The following CCT6B variants were observed in gnomAD, a reference collection of about 807,000 sequenced individuals.
CCT6B encodes chaperonin containing TCP1 subunit 6B.
CCT6B carries 49 observed loss-of-function variants against 61.5 expected under a neutral mutation model. The observed-to-expected ratio is 0.80, with a 90% confidence interval of 0.63 to 1.01. CCT6B has a LOEUF of 1.01. Among genes scored for constraint, CCT6B ranks in the 50% least tolerant of loss-of-function variants. The pLI is 0.00. For missense variants in CCT6B, 666 were observed against 634.7 expected, an observed-to-expected ratio of 1.05 and a Z score of -0.53; for synonymous variants, 228 against 214.5, an observed-to-expected ratio of 1.06 and a Z score of -0.55.
At chr17:34,949,473 AGAAAG>A (rs1188122244) in intron 5 of CCT6B, 1 of 145,088 alleles carries the variant, frequency 6.9e-6, no homozygotes, top group Non-Finnish European at 1.5e-5. Flanking sequence ...AAAAAAAAAA[AGAAAG>A]GAAAGGAAAG....
At chr17:34,948,899 G>T (rs1162446476) in intron 5 of CCT6B, among the ~76,000 whole-genome samples, 4 of 151,646 alleles carry the variant, frequency 2.6e-5, no homozygotes, top group Non-Finnish European at 4.4e-5. Flanking sequence ...GCCAGACATG[G>T]TGGCGCATAT....
At chr17:34,959,428 G>A (rs1281673761) in intron 2 of CCT6B, among the ~76,000 whole-genome samples, 159 bp downstream of exon 2, 2 of 151,482 alleles carry the variant, frequency 1.3e-5, no homozygotes, top group African/African-American at 4.9e-5. Context: ...ACCACACCCG[G>A]CCAAAAAAAT....
intron 10 of CCT6B, among the ~76,000 whole-genome samples, chr17:34,934,314 G>A (rs950096928): frequency 3.3e-5 from 5 of 151,982 alleles, no homozygotes; most frequent in African/African-American, 9.7e-5. Context: ...TATTATGATC[G>A]ACTTTATGAC....
At chr17:34,931,624 T>C (rs569172458) in intron 11 of CCT6B, among the ~76,000 whole-genome samples, 1 of 152,256 alleles carries the variant, frequency 6.6e-6, no homozygotes, top group South Asian at 2.1e-4. Flanking sequence ...GGGTTACCAA[T>C]TTCTGTCAGC....
chr17:34,957,406 A>C (rs1175673709), intron 3 of CCT6B, among the ~76,000 whole-genome samples: 1 of 152,078 alleles, frequency 6.6e-6, no homozygotes, highest in Non-Finnish European at 1.5e-5. Context: ...GGCCTCCCAA[A>C]GTGCTGGGAT....
chr17:34,928,820 G>C, intron 13 of CCT6B, 142 bp downstream of exon 13: 1 of 520,204 alleles, frequency 1.9e-6, no homozygotes, highest in Non-Finnish European at 3.5e-6. Flanking sequence ...ACAGAAGCTA[G>C]TTCTAATAAC....
chr17:34,941,897 G>A (rs2090167995), intron 7 of CCT6B, among the ~76,000 whole-genome samples: 2 of 152,072 alleles, frequency 1.3e-5, no homozygotes, highest in South Asian at 2.1e-4. Context: ...AATTAGCCAG[G>A]CATGGTGATG....
At chr17:34,954,623 A>G in intron 3 of CCT6B, 24 bp from the exon 4 acceptor site, 1 of 1,557,514 alleles carries the variant, frequency 6.4e-7, no homozygotes, top group Non-Finnish European at 8.7e-7. Context: ...ATAAAATTAT[A>G]AATTATAAAA....
rs942150543 is a variant in CCT6B, at chr17:34,942,723, G to A, written c.725+73C>T. The A allele has an allele frequency of 7.4e-6, 11 of 1,482,274 alleles. No individual in the cohort carries two copies. The African/African-American group carries it at 1.6e-4, about 21-fold the overall frequency. 91.8% of individuals were successfully genotyped at this position (1,482,274 alleles called of 1,614,324 possible). A position where few individuals can be genotyped will look rare whatever the true frequency, so the allele number is the denominator to read the frequency against. On this transcript the variant is annotated intron_variant, in intron 6 of 13. Coordinates refer to ENST00000314144, the MANE Select transcript of CCT6B (RefSeq NM_006584.4). ...TAGAAGTAGTCTACACCAAACATCT[G>A]GAAGGAAAAAGAGATTTTAAAACAC...
At chr17:34,945,448 T>C (rs2090212943) in intron 5 of CCT6B, among the ~76,000 whole-genome samples, 2 of 152,178 alleles carry the variant, frequency 1.3e-5, no homozygotes, top group Non-Finnish European at 2.9e-5. Context: ...ACCTCCACTT[T>C]TCCTGCTGAT....
chr17:34,931,098 ACC>A, intron 11 of CCT6B, 47 bp from the exon 12 acceptor site: 1 of 575,604 alleles, frequency 1.7e-6, no homozygotes, highest in East Asian at 4.4e-5. Flanking sequence ...TATGCATAAT[ACC>A]TTCACATATA....
chr17:34,956,288 G>C (rs569217548), intron 3 of CCT6B, among the ~76,000 whole-genome samples: 1 of 152,272 alleles, frequency 6.6e-6, no homozygotes, highest in Admixed American at 6.5e-5. Flanking sequence ...CTTTGCTTAT[G>C]TTGTTCCTTC....
chr17:34,950,862 G>A (rs1200680452), intron 5 of CCT6B, among the ~76,000 whole-genome samples: 2 of 151,754 alleles, frequency 1.3e-5, no homozygotes, highest in Non-Finnish European at 2.9e-5. Context: ...CCAGTAGGCG[G>A]AGGTTGCAGT....
intron 13 of CCT6B, 51 bp from the exon 14 acceptor site, chr17:34,928,168 T>C (rs570927377): frequency 4.1e-6 from 5 of 1,208,958 alleles, no homozygotes; most frequent in Non-Finnish European, 6.0e-6. Flanking sequence ...CACTCTTAGC[T>C]TTTTTCCCCA....
At chr17:34,928,161 T>C in intron 13 of CCT6B, 44 bp from the exon 14 acceptor site, 1 of 1,310,328 alleles carries the variant, frequency 7.6e-7, no homozygotes, top group Non-Finnish European at 1.1e-6. Context: ...ACTAACCCAC[T>C]CTTAGCTTTT....
Position 34,942,785 on chromosome 17 carries a change from G to A in CCT6B, c.725+11C>T. The A allele has an allele frequency of 6.4e-7, 1 of 1,565,444 alleles. No homozygotes were observed. Among genetic ancestry groups the A allele is most frequent in the Non-Finnish European group, 8.7e-7 (1 of 1,147,404 alleles). On this transcript the variant is annotated intron_variant, in intron 6 of 13. Coordinates refer to ENST00000314144, the MANE Select transcript of CCT6B (RefSeq NM_006584.4). ...AAAATTCAAAAGTTATAAAGAGAAAGTAACACGCACGTTTTTTCATATTCC... is the reference window on the plus strand; with the variant it reads ...AAAATTCAAAAGTTATAAAGAGAAAATAACACGCACGTTTTTTCATATTCC...
intron 12 of CCT6B, among the ~76,000 whole-genome samples, chr17:34,930,585 A>ACTAG (rs1223700559): frequency 6.6e-6 from 1 of 152,124 alleles, no homozygotes; most frequent in African/African-American, 2.4e-5. Flanking sequence ...ACCCTCCTGT[A>ACTAG]CTAGCATTCA....
Position 34,932,445 on chromosome 17 carries a change from A to C in CCT6B, c.1269T>G (p.Val423=). Residue 423 remains valine (V), a synonymous_variant, in exon 11 of 14, where the codon GTT becomes GTG. Coordinates refer to ENST00000314144, the MANE Select transcript of CCT6B (RefSeq NM_006584.4). ...AIEVAMAEAL[V]TYKNSIKGRA... The stretch of plus-strand genomic sequence containing the variant: ...TTCCTTTTATACTGTTCTTATATGT[A>C]ACAAGAGCTTCAGCCATTGCCACTT... 1.2e-6 allele frequency: 2 copies of C among 1,612,456 alleles called. No individual in the cohort carries two copies. The highest frequency in any genetic ancestry group is 2.2e-5 in the South Asian group (2 of 90,598).
At chr17:34,949,648 T>C (rs1402725527) in intron 5 of CCT6B, 2 of 152,126 alleles carry the variant, frequency 1.3e-5, no homozygotes, top group East Asian at 3.8e-4. Flanking sequence ...AAGACATTAC[T>C]AGAAAAAAGT....
Sources: gnomAD v4.1 joint callset for allele counts (sites outside exome capture counted in the v4.1 genomes callset) on GRCh38, gnomAD v4.1.1 for gene constraint, MANE v1.5 for transcripts, NCBI Gene and HGNC (gene_info 2026-07-23, HGNC 2026-07-21) for gene names.